Variants in IGFBP7 observed in about 807,000 individuals in gnomAD.
IGFBP7 encodes insulin-like growth factor-binding protein 7.
In IGFBP7, 31 loss-of-function variants were observed where a neutral mutation model predicts 29.4. The observed-to-expected ratio is 1.05, with a 90% CI of 0.79 to 1.42. The LOEUF (loss-of-function observed/expected upper bound fraction) is 1.42, where lower values mean the gene tolerates loss of function less well. Among genes scored for constraint, IGFBP7 ranks in the 40% most tolerant of loss-of-function variants. The probability of loss-of-function intolerance (pLI) is 0.00; values close to 1 mark genes in which losing one functional copy is unlikely to be tolerated. For synonymous variants in IGFBP7, 172 were observed against 174.9 expected (o/e 0.98, Z 0.13); for missense variants, 393 against 395.5 (o/e 0.99, Z 0.05).
chr4:57,098,775 A>G (rs1337189993), intron 1 of IGFBP7, among the ~76,000 whole-genome samples: 1 of 152,156 alleles, frequency 6.6e-6, no homozygotes, highest in Non-Finnish European at 1.5e-5. Flanking sequence ...CAAACGCTCT[A>G]TGGCTTCCTG....
At chr4:57,076,161 G>A (rs1419149258) in intron 1 of IGFBP7, among the ~76,000 whole-genome samples, 9 of 152,120 alleles carry the variant, frequency 5.9e-5, no homozygotes, top group East Asian at 1.9e-4. Context: ...CTCACATGGT[G>A]GAAAGAGAGA....
chr4:57,090,562 C>A (rs62308284), intron 1 of IGFBP7, among the ~76,000 whole-genome samples: 16,619 of 152,174 alleles, frequency 0.11, 1,020 homozygotes, highest in Middle Eastern at 0.15. Flanking sequence ...GAAGGCAGGG[C>A]ATGGTGGCTC....
At position 57,036,527 on chromosome 4, in the gene IGFBP7, T is replaced by C. The variant is rs747480348; in HGVS notation, c.586-3216A>G. On this transcript the variant is annotated intron_variant, in intron 2 of 4. Transcript: ENST00000295666. ...TGTTTTGCTTTCGCTGTGAGCATCA[T>C]CTTTGATTTAAAAGGGTTAAGTCAA... 7.2e-5 allele frequency among the ~76,000 whole-genome samples: 11 copies of C among 152,240 alleles called. 1 individual carries two copies. The highest frequency in any genetic ancestry group is 1.5e-4 in the Non-Finnish European group (10 of 68,042).
At chr4:57,105,861 C>T (rs1017104947) in intron 1 of IGFBP7, among the ~76,000 whole-genome samples, 14 of 151,828 alleles carry the variant, frequency 9.2e-5, no homozygotes, top group African/African-American at 3.4e-4. Context: ...CTCAGAGAAA[C>T]TGACAGAGCT....
At chr4:57,065,893 C>T (rs1363909668) in intron 1 of IGFBP7, among the ~76,000 whole-genome samples, 1 of 152,194 alleles carries the variant, frequency 6.6e-6, no homozygotes. Flanking sequence ...TCTCTCTGCT[C>T]CACGGTCCTC....
rs1437840547 is a variant in IGFBP7 at position 57,070,776 on chromosome 4, G to A, written c.476-29843C>T. Among the ~76,000 whole-genome samples, 7 of 152,320 alleles carry A rather than the reference G, an allele frequency of 4.6e-5. 2 individuals are homozygous for A. Among genetic ancestry groups the A allele is most frequent in the Admixed American group, 3.9e-4 (6 of 15,304 alleles). ...ACACAAGCCAGCTCACAAACTGGCC[G>A]CAGGGGTAATGAGCATTGGATACAA... is the stretch of plus-strand genomic sequence containing the variant. On this transcript the variant is annotated intron_variant, in intron 1 of 4. Transcript: ENST00000295666.
In IGFBP7 at chr4:57,109,946, C is replaced by T. The variant is rs922313787; in HGVS notation, c.406G>A (p.Ala136Thr). The change falls in exon 1 of 5, where the codon GCC becomes ACC. Residue 136 changes from alanine to threonine, a missense_variant. Physicochemically the swap from Ala to Thr is moderately conservative, Grantham distance 58. Coordinates refer to ENST00000295666, the MANE Select transcript of IGFBP7 (RefSeq NM_001553.3). The stretch of plus-strand genomic sequence containing the variant: ...CCGCGGCTCTCGGCCCTCTGGCTGG[C>T]GGCGCGCAGCTGGCAGCCGCTCGGG... ...TYPSGCQLRAASQRAESRGEK... is the reference protein window; with the variant it reads ...TYPSGCQLRATSQRAESRGEK... 4 of 1,554,876 alleles carry T rather than the reference C, an allele frequency of 2.6e-6. No individual in the cohort carries two copies.
intron 1 of IGFBP7, 187 bp downstream of exon 1, chr4:57,109,690 G>C (rs933605280): frequency 4.5e-6 from 3 of 662,774 alleles, no homozygotes; most frequent in Non-Finnish European, 7.2e-6. Flanking sequence ...AAGGAGAAGG[G>C]GGGGCGTCGC....
intron 1 of IGFBP7, among the ~76,000 whole-genome samples, chr4:57,063,341 C>A (rs1312626969): frequency 6.6e-6 from 1 of 152,180 alleles, no homozygotes; most frequent in African/African-American, 2.4e-5. Flanking sequence ...TTGCTGCATA[C>A]CCCATTAGAT....
chr4:57,091,521 G>A (rs1247030892), intron 1 of IGFBP7, among the ~76,000 whole-genome samples: 1 of 152,152 alleles, frequency 6.6e-6, no homozygotes, highest in Non-Finnish European at 1.5e-5. Flanking sequence ...TTAATACAAT[G>A]TGAGGATAAT....
At chr4:57,105,970 T>A (rs1308254778) in intron 1 of IGFBP7, among the ~76,000 whole-genome samples, 2 of 149,720 alleles carry the variant, frequency 1.3e-5, no homozygotes, top group Admixed American at 1.3e-4. Context: ...GCAGTGGTGC[T>A]ATCTTGGATC....
At chr4:57,062,740 C>T (rs1724828173) in intron 1 of IGFBP7, among the ~76,000 whole-genome samples, 1 of 152,124 alleles carries the variant, frequency 6.6e-6, no homozygotes, top group South Asian at 2.1e-4. Context: ...CATAGAATTA[C>T]CTTGTATGGC....
intron 1 of IGFBP7, among the ~76,000 whole-genome samples, chr4:57,053,781 T>G (rs567716468): frequency 4.6e-5 from 7 of 151,564 alleles, no homozygotes; most frequent in African/African-American, 1.7e-4. Flanking sequence ...CCTAGTGATG[T>G]TAACATAGCC....
chr4:57,086,042 A>C (rs1385338764), intron 1 of IGFBP7, among the ~76,000 whole-genome samples: 8 of 152,182 alleles, frequency 5.3e-5, no homozygotes, highest in Non-Finnish European at 1.5e-5. Flanking sequence ...GTAATTTATA[A>C]AGTAAAGAGG....
At chr4:57,074,429 T>C (rs149810789) in intron 1 of IGFBP7, among the ~76,000 whole-genome samples, 1 of 152,280 alleles carries the variant, frequency 6.6e-6, no homozygotes, top group Non-Finnish European at 1.5e-5. Context: ...CCTCTGAAGG[T>C]GTTAAAAAGT....
At chr4:57,106,790 A>G (rs1234076007) in intron 1 of IGFBP7, among the ~76,000 whole-genome samples, 1 of 152,208 alleles carries the variant, frequency 6.6e-6, no homozygotes, top group African/African-American at 2.4e-5. Flanking sequence ...CAGAAGCATC[A>G]TGTTCTCTTC....
At chr4:57,094,854 C>T (rs554089987) in intron 1 of IGFBP7, among the ~76,000 whole-genome samples, 1 of 152,318 alleles carries the variant, frequency 6.6e-6, no homozygotes, top group African/African-American at 2.4e-5. Flanking sequence ...GTGTAATTGC[C>T]TCCCCCAAAT....
chr4:57,079,884 T>C (rs1029973219), intron 1 of IGFBP7, among the ~76,000 whole-genome samples: 1 of 152,224 alleles, frequency 6.6e-6, no homozygotes, highest in Non-Finnish European at 1.5e-5. Context: ...CATCCATATA[T>C]TATCTCAGGT....
At chr4:57,055,271 CG>C (rs1724629346) in intron 1 of IGFBP7, among the ~76,000 whole-genome samples, 1 of 151,968 alleles carries the variant, frequency 6.6e-6, no homozygotes, top group Non-Finnish European at 1.5e-5. Context: ...CTGGGTGTGT[CG>C]AAAAAAATGC....
Sources: allele counts gnomAD v4.1 joint callset (sites outside exome capture counted in the v4.1 genomes callset), GRCh38; gene constraint gnomAD v4.1.1; transcripts MANE v1.5; gene names NCBI Gene and HGNC (gene_info 2026-07-23, HGNC 2026-07-21).